USP10: variants seen among roughly 807,000 people sequenced by gnomAD.
USP10 encodes ubiquitin carboxyl-terminal hydrolase 10.
Under a neutral mutation model 84.5 loss-of-function variants are expected in USP10, and 22 were observed. The ratio of observed to expected loss-of-function variants is 0.26; its 90% confidence interval spans 0.19 to 0.37. USP10 has a LOEUF of 0.37. USP10 is among the 10% of genes least tolerant of loss of function. The pLI is 1.00. For synonymous variants in USP10, 454 were observed against 387.6 expected (o/e 1.17, Z -2.01); for missense variants, 1,019 against 998.9 (o/e 1.02, Z -0.27).
chr16:84,761,917 T>C (rs2150852994), intron 8 of USP10, among the ~76,000 whole-genome samples: 1 of 152,386 alleles, frequency 6.6e-6, no homozygotes, highest in Non-Finnish European at 1.5e-5. Flanking sequence ...TGCCCTTTTC[T>C]GCACACGTGC....
chr16:84,712,961 C>G (rs1329852078), intron 1 of USP10, among the ~76,000 whole-genome samples: 1 of 152,228 alleles, frequency 6.6e-6, no homozygotes, highest in African/African-American at 2.4e-5. Context: ...TAAAGCTCTT[C>G]CAGGATTGTT....
chr16:84,706,134 C>T (rs571476786), intron 1 of USP10, among the ~76,000 whole-genome samples: 1 of 152,268 alleles, frequency 6.6e-6, no homozygotes, highest in African/African-American at 2.4e-5. Context: ...CCTTCTGCTT[C>T]AGCTTCCTAA....
At chr16:84,756,662 G>T (rs1052620158) in intron 4 of USP10, among the ~76,000 whole-genome samples, 1 of 152,054 alleles carries the variant, frequency 6.6e-6, no homozygotes, top group South Asian at 2.1e-4. Flanking sequence ...AAAAAAAAAA[G>T]TCATTTGATA....
intron 1 of USP10, among the ~76,000 whole-genome samples, chr16:84,714,779 A>T (rs1906783360): frequency 6.6e-6 from 1 of 151,828 alleles, no homozygotes; most frequent in Admixed American, 6.6e-5. Context: ...GGGTGAAGGG[A>T]GAGAGATATT....
chr16:84,764,956 T>TA lies in USP10; in HGVS notation c.1832+694dup, dbSNP rs1328739117. 3.0e-5 allele frequency among the ~76,000 whole-genome samples: 3 copies of TA among 100,644 alleles called. No homozygotes were observed. The East Asian group carries it at 1.5e-3, about 50-fold the overall frequency. 66.0% of individuals were successfully genotyped at this position (100,644 alleles called of 152,430 possible). ...GAAAAAAAAATATATATATATATAT[T>TA]AGACTTCATCTGCATTTAAAACTTG... On this transcript the variant is annotated intron_variant, in intron 10 of 13. Transcript: ENST00000219473.
In USP10 at chr16:84,745,514, C is replaced by T; in HGVS notation, c.1033C>T (p.Leu345Phe). The T allele has an allele frequency of 6.2e-7, 1 of 1,613,534 alleles. No homozygotes were observed. Among genetic ancestry groups the T allele is most frequent in the Non-Finnish European group, 8.5e-7 (1 of 1,179,636 alleles). Reference protein sequence around the residue: ...PVSQPKSWASLFHDSKPSSSS... With the variant: ...PVSQPKSWASFFHDSKPSSSS... ...CAGCCAGCCCAAGTCCTGGGCCAGC[C>T]TCTTTCATGATTCTAAGCCCTCTTC... The change falls in exon 4 of 14, where the codon CTC becomes TTC. Residue 345 changes from leucine (L) to phenylalanine (F), a missense_variant. Leu to Phe is a conservative substitution (Grantham distance 22, BLOSUM62 0). Transcript: ENST00000219473.
chr16:84,767,194 C>T (rs1177183140), intron 10 of USP10, among the ~76,000 whole-genome samples: 1 of 152,200 alleles, frequency 6.6e-6, no homozygotes, highest in African/African-American at 2.4e-5. Context: ...TACCTGTCCA[C>T]ACCCATTTTA....
At chr16:84,770,892 C>T (rs1038797917) in intron 11 of USP10, among the ~76,000 whole-genome samples, 8 of 151,814 alleles carry the variant, frequency 5.3e-5, no homozygotes, top group African/African-American at 1.7e-4. Flanking sequence ...ATGTTGAAAC[C>T]CCATCTCTAC....
chr16:84,738,554 T>C (rs1431833388), intron 2 of USP10, among the ~76,000 whole-genome samples: 1 of 152,094 alleles, frequency 6.6e-6, no homozygotes, highest in Non-Finnish European at 1.5e-5. Context: ...TCAATGCTGG[T>C]GTGTGGAATG....
Position 84,733,657 on chromosome 16 carries a change from CTGACATTTGATT to C in USP10, c.90+163_90+174del, listed in dbSNP as rs1375563811. On this transcript the variant is annotated intron_variant, in intron 2 of 13. Coordinates refer to ENST00000219473, the MANE Select transcript of USP10 (RefSeq NM_005153.3). Reference sequence around the variant, plus strand: ...GCCTCAACCCACCAACTAGATTTGACTGACATTTGATTTGACATTTTGCTGTATTTACTTTAT... The same window carrying C: ...GCCTCAACCCACCAACTAGATTTGACTGACATTTTGCTGTATTTACTTTAT... Among the ~76,000 whole-genome samples, 10 of 152,280 alleles carry C rather than the reference CTGACATTTGATT, an allele frequency of 6.6e-5. 1 individual carries two copies. Among genetic ancestry groups the C allele is most frequent in the Admixed American group, 5.2e-4 (8 of 15,294 alleles).
Position 84,779,012 on chromosome 16 carries a change from A to G in USP10, c.2327A>G (p.Tyr776Cys), listed in dbSNP as rs1300038254. 2 of 1,614,028 alleles carry G rather than the reference A, an allele frequency of 1.2e-6. No individual in the cohort carries two copies. Among genetic ancestry groups the G allele is most frequent in the Admixed American group, 1.7e-5 (1 of 60,012 alleles). The change falls in exon 14 of 14, where the codon TAC (tyrosine) becomes TGC (cysteine). Residue 776 changes from tyrosine (Y) to cysteine (C), a missense_variant. Tyr to Cys is a radical substitution (Grantham distance 194). This residue lies in a region of USP10 where 232 missense variants were observed against 290.1 expected (regional missense o/e 0.80). Coordinates refer to ENST00000219473, the MANE Select transcript of USP10 (RefSeq NM_005153.3). Reference protein sequence around the residue: ...DDQTVKVINQYQVVKPTAERT... With the variant: ...DDQTVKVINQCQVVKPTAERT... ...CAGACAGTCAAGGTGATCAACCAGT[A>G]CCAGGTGGTGAAACCAACTGCTGAA...
intron 2 of USP10, among the ~76,000 whole-genome samples, chr16:84,734,451 A>G (rs1439249592): frequency 6.6e-6 from 1 of 152,138 alleles, no homozygotes; most frequent in Non-Finnish European, 1.5e-5. Flanking sequence ...CTTGGTTTAT[A>G]TCCCTTGTCC....
chr16:84,706,756 G>T (rs1905576104), intron 1 of USP10, among the ~76,000 whole-genome samples: 1 of 151,738 alleles, frequency 6.6e-6, no homozygotes, highest in Admixed American at 6.6e-5. Flanking sequence ...TAGCCAGGAT[G>T]GTCTCCATCT....
chr16:84,777,556 A>T (rs1234274383), intron 13 of USP10, among the ~76,000 whole-genome samples: 2 of 152,124 alleles, frequency 1.3e-5, no homozygotes, highest in Non-Finnish European at 2.9e-5. Flanking sequence ...GGCTCTCCGA[A>T]GTACGGGCCC....
intron 8 of USP10, among the ~76,000 whole-genome samples, chr16:84,761,237 C>T (rs1465030105): frequency 2.0e-5 from 3 of 152,214 alleles, no homozygotes; most frequent in South Asian, 2.1e-4. Flanking sequence ...CAGAGGGGCC[C>T]ACCTAGCACA....
At chr16:84,744,444 C>G (rs1174159967) in intron 3 of USP10, among the ~76,000 whole-genome samples, 189 bp from the exon 4 acceptor site, 1 of 152,100 alleles carries the variant, frequency 6.6e-6, no homozygotes, top group Non-Finnish European at 1.5e-5. Flanking sequence ...TTTTCATATC[C>G]CCAAATTAAA....
intron 4 of USP10, among the ~76,000 whole-genome samples, chr16:84,756,328 C>G (rs1012431526): frequency 1.3e-5 from 2 of 152,242 alleles, no homozygotes; most frequent in African/African-American, 4.8e-5. Flanking sequence ...CACCATGGCT[C>G]ATGCCTGTAA....
At chr16:84,710,673 A>G (rs1433597968) in intron 1 of USP10, among the ~76,000 whole-genome samples, 1 of 152,140 alleles carries the variant, frequency 6.6e-6, no homozygotes, top group Non-Finnish European at 1.5e-5. Flanking sequence ...TTCCTGTAGT[A>G]CTTTTGGTAG....
chr16:84,706,751 A>G (rs1048897693), intron 1 of USP10, among the ~76,000 whole-genome samples: 4 of 151,862 alleles, frequency 2.6e-5, no homozygotes, highest in Non-Finnish European at 2.9e-5. Flanking sequence ...GGTGTTAGCC[A>G]GGATGGTCTC....
Sources: allele counts gnomAD v4.1 joint callset (sites outside exome capture counted in the v4.1 genomes callset), GRCh38; gene constraint gnomAD v4.1.1; regional missense constraint gnomAD v4.1.1; transcripts MANE v1.5; gene names NCBI Gene and HGNC (gene_info 2026-07-23, HGNC 2026-07-21).